Variants in ITGA9 observed in about 807,000 individuals in gnomAD.
ITGA9 encodes integrin subunit alpha 9.
A neutral mutation model predicts 127.8 loss-of-function variants in ITGA9; 56 were observed. The ratio of observed to expected loss-of-function variants is 0.44; its 90% CI spans 0.35 to 0.55. The LOEUF is 0.55. Ranked by LOEUF, ITGA9 falls within the 20% of genes least tolerant of loss-of-function variation. ITGA9 has a pLI of 0.00. For synonymous variants in ITGA9, 508 were observed against 514.5 expected, an observed-to-expected ratio of 0.99 and a Z score of 0.17; for missense variants, 1,196 against 1,347.1, an observed-to-expected ratio of 0.89 and a Z score of 1.76.
chr3:37,739,827 G>T (rs959447184), intron 20 of ITGA9, among the ~76,000 whole-genome samples: 1 of 152,136 alleles, frequency 6.6e-6, no homozygotes, highest in Non-Finnish European at 1.5e-5. Flanking sequence ...GTGGGGGCGG[G>T]AGTGGGCCAG....
intron 18 of ITGA9, among the ~76,000 whole-genome samples, chr3:37,689,094 T>C (rs1239542147): frequency 6.6e-6 from 1 of 152,058 alleles, no homozygotes; most frequent in African/African-American, 2.4e-5. Flanking sequence ...GGATGATTAT[T>C]CATTTTGTGC....
rs372506241 is a variant in ITGA9 at position 37,636,044 on chromosome 3, A to G, written c.1839+6708A>G. On this transcript the variant is annotated intron_variant, in intron 16 of 27. Transcript: ENST00000264741. The stretch of plus-strand genomic sequence containing the variant: ...TCCAGTCTATCGTTGTTGGACATTT[A>G]GGTTGGTTCCAAGTCTTTGCTATTG... Among the ~76,000 whole-genome samples the G allele has an allele frequency of 3.9e-5, 6 of 151,992 alleles. No individual in the cohort carries two copies. In the South Asian group the frequency reaches 1.0e-3, roughly 26 times the overall value.
At chr3:37,706,276 C>G (rs1575201615) in intron 18 of ITGA9, among the ~76,000 whole-genome samples, 1 of 152,312 alleles carries the variant, frequency 6.6e-6, no homozygotes, top group Non-Finnish European at 1.5e-5. Flanking sequence ...CTGGAATTCT[C>G]CCTTTCCGTC....
chr3:37,782,444 C>T (rs574819606), intron 25 of ITGA9, among the ~76,000 whole-genome samples: 123 of 147,146 alleles, frequency 8.4e-4, no homozygotes, highest in African/African-American at 2.8e-3. Flanking sequence ...ATGGGCCAGC[C>T]AGGCCAGTAG....
chr3:37,772,545 TGG>T (rs1696857444), intron 23 of ITGA9, among the ~76,000 whole-genome samples: 1 of 151,984 alleles, frequency 6.6e-6, no homozygotes, highest in African/African-American at 2.4e-5. Context: ...GCCGTTGTCA[TGG>T]CTGTCACATT....
chr3:37,601,980 G>A (rs1388413007), intron 15 of ITGA9, among the ~76,000 whole-genome samples: 3 of 152,114 alleles, frequency 2.0e-5, no homozygotes, highest in Non-Finnish European at 4.4e-5. Flanking sequence ...AAGCAAGCGG[G>A]GAGTGGAGGT....
At chr3:37,746,676 G>T (rs1297403188) in intron 22 of ITGA9, among the ~76,000 whole-genome samples, 3 of 151,392 alleles carry the variant, frequency 2.0e-5, no homozygotes, top group Non-Finnish European at 1.5e-5. Flanking sequence ...GTGCACTCAT[G>T]TTTCACTTCA....
chr3:37,482,703 G>C (rs757529813), intron 4 of ITGA9, among the ~76,000 whole-genome samples: 1 of 149,478 alleles, frequency 6.7e-6, no homozygotes, highest in Non-Finnish European at 1.5e-5. Flanking sequence ...GACACAGGTA[G>C]GGTGCTCTGG....
intron 23 of ITGA9, among the ~76,000 whole-genome samples, chr3:37,765,618 C>T (rs1696771106): frequency 1.3e-5 from 2 of 152,150 alleles, no homozygotes; most frequent in South Asian, 4.1e-4. Flanking sequence ...AATTCTGGAA[C>T]AAAAGTTACA....
chr3:37,609,681 A>G (rs918579758), intron 15 of ITGA9, among the ~76,000 whole-genome samples: 9 of 152,214 alleles, frequency 5.9e-5, no homozygotes, highest in Non-Finnish European at 1.3e-4. Flanking sequence ...GGAATTCGGG[A>G]CAGGGCACAT....
intron 18 of ITGA9, among the ~76,000 whole-genome samples, chr3:37,686,865 C>G (rs1166925167): frequency 1.3e-5 from 2 of 152,122 alleles, no homozygotes; most frequent in Non-Finnish European, 2.9e-5. Flanking sequence ...GGTTGATAAA[C>G]AGCGGATGTA....
rs1697021666 is a variant in ITGA9, at chr3:37,784,984, C to T, written c.2795C>T (p.Ser932Leu). 4.3e-6 allele frequency: 7 copies of T among 1,613,128 alleles called. No homozygotes were observed. Among genetic ancestry groups the T allele is most frequent in the East Asian group, 4.5e-5 (2 of 44,886 alleles). ...GTGTTGTTTCTTCCACAGGACAGTT[C>T]GTCTGTCATCCAGTTCATGTCCCGC... ...LNTEILKKDSSSVIQFMSRAK... is the reference protein window; with the variant it reads ...LNTEILKKDSLSVIQFMSRAK... Residue 932 changes from serine to leucine, a missense_variant, in exon 26 of 28, where the codon TCG (serine) becomes TTG (leucine). Physicochemically the swap from Ser to Leu is moderately radical, Grantham distance 145. Transcript: ENST00000264741.
At chr3:37,528,021 G>A (rs1451094562) in intron 13 of ITGA9, among the ~76,000 whole-genome samples, 2 of 151,998 alleles carry the variant, frequency 1.3e-5, no homozygotes, top group African/African-American at 2.4e-5. Context: ...TCCTGACCTC[G>A]TGATCTGCCC....
chr3:37,658,248 A>C (rs897136877), intron 17 of ITGA9, among the ~76,000 whole-genome samples: 5 of 152,070 alleles, frequency 3.3e-5, no homozygotes, highest in African/African-American at 1.2e-4. Context: ...TATCCTTGTT[A>C]GTTTTCTGTC....
rs915782012 is a variant in ITGA9 at position 37,503,207 on chromosome 3, A to G, written c.642A>G (p.Ser214=). The G allele has an allele frequency of 1.9e-6, 3 of 1,613,880 alleles. No individual in the cohort carries two copies. The highest frequency in any genetic ancestry group is 2.5e-6 in the Non-Finnish European group (3 of 1,179,954). The change falls in exon 6 of 28, where the codon TCA becomes TCG. Residue 214 remains serine (S), a synonymous_variant. Coordinates refer to ENST00000264741, the MANE Select transcript of ITGA9 (RefSeq NM_002207.3). ...TGGTGGTGATGGGTGCTCCAGGGTC[A>G]TTTTATTGGGCTGGAACCATCAAAG... The part of the protein sequence containing the change: ...EELVVMGAPG[S]FYWAGTIKVL...
At chr3:37,464,130 T>TGTGTGTGCGC (rs1042875189) in intron 1 of ITGA9, among the ~76,000 whole-genome samples, 1 of 150,908 alleles carries the variant, frequency 6.6e-6, no homozygotes, top group African/African-American at 2.5e-5. Flanking sequence ...TGTGTGTGTG[T>TGTGTGTGCGC]GTGTGTGTGT....
intron 17 of ITGA9, among the ~76,000 whole-genome samples, chr3:37,675,159 C>A (rs980602502): frequency 2.0e-5 from 3 of 152,178 alleles, no homozygotes; most frequent in African/African-American, 7.2e-5. Flanking sequence ...AAGTATCTTG[C>A]CAGAGGTACT....
intron 15 of ITGA9, among the ~76,000 whole-genome samples, chr3:37,573,399 C>A (rs145380409): frequency 3.3e-4 from 50 of 152,254 alleles, no homozygotes; most frequent in Non-Finnish European, 5.1e-4. Context: ...GTGAAATAAT[C>A]ATTTTATTTT....
rs151139329 is a variant in ITGA9 at position 37,594,897 on chromosome 3, C to T, written c.1690-34290C>T. ...CCTCCAACTCCTGGGCTCAAGCAGT[C>T]CTCCTTCCTCAGCTTCCCAAGTAGC... On this transcript the variant is annotated intron_variant, in intron 15 of 27. Coordinates refer to ENST00000264741, the MANE Select transcript of ITGA9 (RefSeq NM_002207.3). Among the ~76,000 whole-genome samples the T allele has an allele frequency of 3.4e-3, 517 of 152,168 alleles. 8 individuals carry two copies. Among genetic ancestry groups the T allele is most frequent in the African/African-American group, 0.012 (479 of 41,498 alleles).
Sources: gnomAD v4.1 joint callset for allele counts (sites outside exome capture counted in the v4.1 genomes callset) on GRCh38, gnomAD v4.1.1 for gene constraint, MANE v1.5 for transcripts, NCBI Gene and HGNC (gene_info 2026-07-23, HGNC 2026-07-21) for gene names.